The following ANKRD12 variants were observed in gnomAD, a reference collection of about 807,000 sequenced individuals.
The protein encoded by ANKRD12 is ankyrin repeat domain-containing protein 12.
Under a neutral mutation model 183.4 loss-of-function variants are expected in ANKRD12, and 85 were observed. The observed-to-expected ratio is 0.46, with a 90% CI of 0.39 to 0.56. The LOEUF (loss-of-function observed/expected upper bound fraction) is 0.56. Among genes scored for constraint, ANKRD12 ranks in the 20% least tolerant of loss-of-function variants. The probability of loss-of-function intolerance (pLI) is 0.00; values close to 1 mark genes in which losing one functional copy is unlikely to be tolerated. For missense variants in ANKRD12, 2,405 were observed against 2,357.1 expected, an observed-to-expected ratio of 1.02 and a Z score of -0.42; for synonymous variants, 914 against 800.2, an observed-to-expected ratio of 1.14 and a Z score of -2.40.
rs1567975450 is a variant in ANKRD12, at chr18:9,256,185, C to G, written c.2918C>G (p.Thr973Ser). ...AGAGATAAAGAAAGTATAAATATAA[C>G]TAACTCCAAACACATACAGGAAGAA... ...KSRDKESINI[T>S]NSKHIQEEKK... The change falls in exon 9 of 13, where the codon ACT (threonine) becomes AGT (serine). Residue 973 changes from threonine to serine, a missense_variant. Physicochemically the swap from Thr to Ser is moderately conservative, Grantham distance 58. This residue lies in a region of ANKRD12 where 1,983 missense variants were observed against 1,725.9 expected (regional missense o/e 1.15). Coordinates refer to ENST00000262126, the MANE Select transcript of ANKRD12 (RefSeq NM_015208.5). 3 of 1,562,540 alleles carry G rather than the reference C, an allele frequency of 1.9e-6. No homozygotes were observed. Among genetic ancestry groups the G allele is most frequent in the Non-Finnish European group, 1.7e-6 (2 of 1,163,544 alleles).
At chr18:9,176,249 G>C (rs1007068746) in intron 1 of ANKRD12, among the ~76,000 whole-genome samples, 1 of 152,120 alleles carries the variant, frequency 6.6e-6, no homozygotes, top group Non-Finnish European at 1.5e-5. Flanking sequence ...TTTTGAATGA[G>C]TTGGAAAACA....
intron 1 of ANKRD12, among the ~76,000 whole-genome samples, chr18:9,153,533 C>T (rs1003782034): frequency 1.3e-5 from 2 of 152,160 alleles, no homozygotes; most frequent in Non-Finnish European, 2.9e-5. Flanking sequence ...TTGAATTTGT[C>T]AGGAGCCTAC....
At chr18:9,191,845 C>A (rs2034475681) in intron 2 of ANKRD12, among the ~76,000 whole-genome samples, 1 of 152,144 alleles carries the variant, frequency 6.6e-6, no homozygotes, top group African/African-American at 2.4e-5. Context: ...GCCATCTGTC[C>A]TAATCACCCC....
intron 10 of ANKRD12, among the ~76,000 whole-genome samples, chr18:9,272,615 G>T (rs920280886): frequency 6.6e-6 from 1 of 152,030 alleles, no homozygotes; most frequent in African/African-American, 2.4e-5. Context: ...TTGCTTTTGA[G>T]GGATTTTTGG....
chr18:9,165,975 G>T (rs1251018769), intron 1 of ANKRD12, among the ~76,000 whole-genome samples: 1 of 150,266 alleles, frequency 6.7e-6, no homozygotes, highest in Non-Finnish European at 1.5e-5. Context: ...GCACTGTTTG[G>T]TTTTTTGTCC....
chr18:9,139,483 A>G (rs985439033), intron 1 of ANKRD12, among the ~76,000 whole-genome samples: 3 of 152,196 alleles, frequency 2.0e-5, no homozygotes, highest in Non-Finnish European at 4.4e-5. Flanking sequence ...ATTTCTTGCT[A>G]TTAGCTGACA....
intron 2 of ANKRD12, among the ~76,000 whole-genome samples, chr18:9,192,432 C>T (rs2034509942): frequency 6.6e-6 from 1 of 152,190 alleles, no homozygotes; most frequent in Middle Eastern, 3.4e-3. Flanking sequence ...TTGAATTTGG[C>T]TTGATAGTCT....
rs139319881 is a variant in ANKRD12 at position 9,226,742 on chromosome 18, C to T, written c.943+4743C>T. On this transcript the variant is annotated intron_variant, in intron 8 of 12. Coordinates refer to ENST00000262126, the MANE Select transcript of ANKRD12 (RefSeq NM_015208.5). ...AAGGAGATATGGCCATATCTGCCTC[C>T]AGATGTGATACCTAAAAGGGATATA... Among the ~76,000 whole-genome samples the T allele has an allele frequency of 2.9e-3, 434 of 152,158 alleles. 2 individuals are homozygous for T. Among genetic ancestry groups the T allele is most frequent in the Middle Eastern group, 0.017 (5 of 294 alleles).
intron 8 of ANKRD12, among the ~76,000 whole-genome samples, chr18:9,253,904 A>G (rs1441260425): frequency 2.0e-5 from 3 of 152,220 alleles, no homozygotes; most frequent in African/African-American, 4.8e-5. Context: ...TCAAAGAGAT[A>G]CACGCTTCTA....
intron 7 of ANKRD12, among the ~76,000 whole-genome samples, chr18:9,220,727 A>G (rs1456253733): frequency 6.6e-6 from 1 of 152,216 alleles, no homozygotes; most frequent in Non-Finnish European, 1.5e-5. Context: ...AAAAGGGCTG[A>G]GAGAGAAAGC....
At chr18:9,179,836 G>A (rs2033566874) in intron 1 of ANKRD12, among the ~76,000 whole-genome samples, 1 of 152,152 alleles carries the variant, frequency 6.6e-6, no homozygotes, top group Non-Finnish European at 1.5e-5. Context: ...TTTCTTTATT[G>A]TCTACGAGCA....
chr18:9,222,127 TTAGCTAAC>T, intron 8 of ANKRD12, 128 bp downstream of exon 8: 1 of 1,136,856 alleles, frequency 8.8e-7, no homozygotes, highest in Non-Finnish European at 1.2e-6. Flanking sequence ...AGAATAATGC[TTAGCTAAC>T]TAGCTAAGAA....
At chr18:9,278,444 A>G (rs2039956850) in intron 11 of ANKRD12, among the ~76,000 whole-genome samples, 1 of 152,226 alleles carries the variant, frequency 6.6e-6, no homozygotes, top group African/African-American at 2.4e-5. Context: ...GTCAACAATA[A>G]CATTTTAAAT....
chr18:9,160,587 TAA>T (rs2031268775), intron 1 of ANKRD12, among the ~76,000 whole-genome samples: 1 of 152,210 alleles, frequency 6.6e-6, no homozygotes, highest in South Asian at 2.1e-4. Context: ...TGGAGCTTTC[TAA>T]AAAGTGTTTT....
intron 1 of ANKRD12, among the ~76,000 whole-genome samples, chr18:9,157,915 T>C (rs575849081): frequency 6.6e-6 from 1 of 152,010 alleles, no homozygotes; most frequent in East Asian, 1.9e-4. Context: ...TCATGAGAAG[T>C]CAAAGAACTT....
intron 3 of ANKRD12, among the ~76,000 whole-genome samples, chr18:9,200,177 A>G (rs924279538): frequency 9.2e-5 from 14 of 152,176 alleles, no homozygotes; most frequent in African/African-American, 3.1e-4. Flanking sequence ...AAAAAAGAAA[A>G]CACTTTCTAG....
chr18:9,156,239 A>AT (rs2030439741), intron 1 of ANKRD12, among the ~76,000 whole-genome samples: 1 of 151,804 alleles, frequency 6.6e-6, no homozygotes, highest in Non-Finnish European at 1.5e-5. Flanking sequence ...ATATGGTTTA[A>AT]TTTTTATATT....
At chr18:9,179,603 C>T (rs1002539149) in intron 1 of ANKRD12, among the ~76,000 whole-genome samples, 1 of 152,088 alleles carries the variant, frequency 6.6e-6, no homozygotes, top group African/African-American at 2.4e-5. Flanking sequence ...GCAGCCTCGA[C>T]CTCCTGGGCT....
chr18:9,158,880 T>C (rs751221154), intron 1 of ANKRD12, among the ~76,000 whole-genome samples: 23 of 152,240 alleles, frequency 1.5e-4, no homozygotes, highest in Non-Finnish European at 2.5e-4. Flanking sequence ...TTATTCACTT[T>C]ACTAATCAGT....
Sources: allele counts gnomAD v4.1 joint callset (sites outside exome capture counted in the v4.1 genomes callset), GRCh38; gene constraint gnomAD v4.1.1; regional missense constraint gnomAD v4.1.1; transcripts MANE v1.5; gene names NCBI Gene and HGNC (gene_info 2026-07-23, HGNC 2026-07-21).